The following ERCC6L2 variants were observed in gnomAD, a reference collection of about 807,000 sequenced individuals.
ERCC6L2 encodes ERCC excision repair 6 like 2, also known as DNA excision repair protein ERCC-6-like 2.
ERCC6L2 carries 77 observed loss-of-function variants against 132.0 expected under a neutral mutation model. The ratio of observed to expected loss-of-function variants is 0.58; its 90% CI spans 0.49 to 0.71. The LOEUF (loss-of-function observed/expected upper bound fraction) is 0.71, where lower values mean the gene tolerates loss of function less well. ERCC6L2 is among the 30% of genes least tolerant of loss of function. The pLI, the probability that ERCC6L2 is intolerant of heterozygous loss-of-function variation, is 0.00. For missense variants in ERCC6L2, 1,542 were observed against 1,837.6 expected (o/e 0.84, Z 2.94); for synonymous variants, 583 against 632.4 (o/e 0.92, Z 1.17).
intron 4 of ERCC6L2, among the ~76,000 whole-genome samples, chr9:95,912,875 T>C (rs1023091577): frequency 6.6e-6 from 1 of 152,228 alleles, no homozygotes; most frequent in African/African-American, 2.4e-5. Context: ...TTTAGTAAAG[T>C]GGTTTTGGCC....
chr9:95,891,355 G>A (rs1828154499), intron 2 of ERCC6L2, among the ~76,000 whole-genome samples: 1 of 152,164 alleles, frequency 6.6e-6, no homozygotes, highest in Non-Finnish European at 1.5e-5. Flanking sequence ...AAAAATGCAA[G>A]CTGTAATTTT....
intron 13 of ERCC6L2, 143 bp from the exon 14 acceptor site, chr9:95,966,419 C>T: frequency 1.8e-6 from 1 of 546,936 alleles, no homozygotes; most frequent in Non-Finnish European, 2.9e-6. Context: ...CAACATCTGC[C>T]AGGGAAATTA....
At chr9:95,912,611 A>C (rs1829394449) in intron 4 of ERCC6L2, among the ~76,000 whole-genome samples, 2 of 152,224 alleles carry the variant, frequency 1.3e-5, no homozygotes, top group African/African-American at 4.8e-5. Context: ...CAAGAATATT[A>C]ATAGCAATTA....
At chr9:95,966,192 ATTAC>A (rs1353601359) in intron 13 of ERCC6L2, among the ~76,000 whole-genome samples, 2 of 152,210 alleles carry the variant, frequency 1.3e-5, no homozygotes, top group Non-Finnish European at 1.5e-5. Context: ...TGATGTAGTA[ATTAC>A]TTCTGCCAGT....
At chr9:95,976,860 A>T (rs578158547) in intron 16 of ERCC6L2, among the ~76,000 whole-genome samples, 2 of 152,278 alleles carry the variant, frequency 1.3e-5, no homozygotes, top group South Asian at 4.2e-4. Flanking sequence ...AAGCAAGGAC[A>T]TTTTGCTATA....
At chr9:95,954,443 C>T (rs2132975570) in intron 12 of ERCC6L2, among the ~76,000 whole-genome samples, 1 of 152,302 alleles carries the variant, frequency 6.6e-6, no homozygotes, top group East Asian at 1.9e-4. Flanking sequence ...CTTCCACTGA[C>T]TCTGACAGCC....
intron 13 of ERCC6L2, among the ~76,000 whole-genome samples, chr9:95,959,986 C>T (rs1412961903): frequency 6.6e-6 from 1 of 151,932 alleles, no homozygotes. Flanking sequence ...ACTGTGGAGC[C>T]CTCTTCAGGG....
Position 95,978,269 on chromosome 9 carries a change from T to G in ERCC6L2, c.3492+54T>G, listed in dbSNP as rs1832754382. The G allele has an allele frequency of 3.4e-6, 4 of 1,183,772 alleles. No homozygotes were observed. The Admixed American group carries it at 1.1e-4, about 31-fold the overall frequency. The allele number at this position is 1,183,772 out of a possible 1,614,324, so 73.3% of individuals were successfully genotyped here. On this transcript the variant is annotated intron_variant, in intron 17 of 18. Coordinates refer to ENST00000653738, the MANE Select transcript of ERCC6L2 (RefSeq NM_020207.7). ...TTAGTTACCTCATTTTTCACAGAAG[T>G]TACTCAATAGGATCTTCTCTAAGTA...
intron 11 of ERCC6L2, among the ~76,000 whole-genome samples, chr9:95,931,470 TG>T (rs1395915019): frequency 6.6e-6 from 1 of 152,214 alleles, no homozygotes; most frequent in Non-Finnish European, 1.5e-5. Flanking sequence ...CTTGCCCCTT[TG>T]TTTTCCTAGG....
At chr9:95,979,306 T>C (rs1832797333) in intron 17 of ERCC6L2, among the ~76,000 whole-genome samples, 1 of 152,176 alleles carries the variant, frequency 6.6e-6, no homozygotes, top group African/African-American at 2.4e-5. Context: ...CAAATGGCTA[T>C]CCTGGACAGG....
At chr9:95,900,926 A>C (rs1828741705) in intron 3 of ERCC6L2, among the ~76,000 whole-genome samples, 1 of 151,876 alleles carries the variant, frequency 6.6e-6, no homozygotes, top group Non-Finnish European at 1.5e-5. Context: ...AATTCTTCAG[A>C]GGCCAGGTGT....
In ERCC6L2 at chr9:95,875,974, C is replaced by G. The variant is rs75475951; in HGVS notation, c.-65C>G. The G allele has an allele frequency of 6.5e-7, 1 of 1,535,742 alleles. No homozygotes were observed. The highest frequency in any genetic ancestry group is 2.5e-5 in the East Asian group (1 of 40,794). On this transcript the variant is annotated 5_prime_UTR_variant, in exon 1 of 19. Transcript: ENST00000653738. ...CGCCATTGGCCTGCCGGCCAGCCAC[C>G]TTGCTGTCCTCCGCCGCCTTCCGGG...
intron 19 of ERCC6L2, among the ~76,000 whole-genome samples, chr9:96,026,695 A>C (rs1834371112): frequency 1.4e-5 from 2 of 142,580 alleles, no homozygotes; most frequent in Non-Finnish European, 1.5e-5. Context: ...ACCACACTAC[A>C]CACAAACGCC....
intron 5 of ERCC6L2, 42 bp from the exon 6 acceptor site, chr9:95,916,185 A>G (rs1829576890): frequency 1.3e-6 from 2 of 1,550,148 alleles, no homozygotes; most frequent in Non-Finnish European, 1.8e-6. Context: ...TAGTGTTTTT[A>G]GATAATAAAG....
At chr9:95,944,045 C>T (rs1258180167) in intron 12 of ERCC6L2, among the ~76,000 whole-genome samples, 2 of 152,170 alleles carry the variant, frequency 1.3e-5, no homozygotes, top group Non-Finnish European at 2.9e-5. Flanking sequence ...GAATTGAAAG[C>T]AGAGACTTGA....
At chr9:95,945,078 C>G (rs1280147906) in intron 12 of ERCC6L2, among the ~76,000 whole-genome samples, 1 of 152,122 alleles carries the variant, frequency 6.6e-6, no homozygotes, top group African/African-American at 2.4e-5. Context: ...GGAATTTCCT[C>G]GTCCTAATAA....
At chr9:96,039,659 G>T (rs1182883861) in intron 20 of ERCC6L2, among the ~76,000 whole-genome samples, 1 of 152,120 alleles carries the variant, frequency 6.6e-6, no homozygotes, top group Admixed American at 6.5e-5. Flanking sequence ...GCCTCTTGGG[G>T]TGGCTTGACC....
intron 2 of ERCC6L2, among the ~76,000 whole-genome samples, chr9:95,890,087 C>T (rs1162710125): frequency 1.3e-5 from 2 of 152,158 alleles, no homozygotes; most frequent in Non-Finnish European, 2.9e-5. Context: ...CTACCTCTTC[C>T]CTGTCACCCC....
At position 95,972,132 on chromosome 9, in the gene ERCC6L2, G is replaced by A. The variant is rs1224036014; in HGVS notation, c.2381G>A (p.Gly794Asp). The A allele has an allele frequency of 1.5e-6, 2 of 1,304,102 alleles. No individual in the cohort carries two copies. Among genetic ancestry groups the A allele is most frequent in the African/African-American group, 1.5e-5 (1 of 65,860 alleles). The allele number at this position is 1,304,102 out of a possible 1,614,324, so 80.8% of individuals were successfully genotyped here. ...SPGQLTLLQCGFSKLLETKCK... is the reference protein window; with the variant it reads ...SPGQLTLLQCDFSKLLETKCK... ...GGACAGCTTACCTTACTCCAGTGTG[G>A]TTTCTCGAAATTGCTTGAAACAAAA... Residue 794 changes from glycine to aspartate, a missense_variant, in exon 16 of 19, where the codon GGT becomes GAT. Transcript: ENST00000653738.
Sources: gnomAD v4.1 joint callset for allele counts (sites outside exome capture counted in the v4.1 genomes callset) on GRCh38, gnomAD v4.1.1 for gene constraint, MANE v1.5 for transcripts, NCBI Gene and HGNC (gene_info 2026-07-23, HGNC 2026-07-21) for gene names.